The following PABPC1 variants were observed in gnomAD, a reference collection of about 807,000 sequenced individuals.
PABPC1 encodes polyadenylate-binding protein 1.
A neutral mutation model predicts 74.0 loss-of-function variants in PABPC1; 4 were observed. The observed-to-expected ratio is 0.05, with a 90% CI of 0.03 to 0.12. The LOEUF (loss-of-function observed/expected upper bound fraction) is 0.12, where lower values mean the gene tolerates loss of function less well. Ranked by LOEUF, PABPC1 falls within the 10% of genes least tolerant of loss-of-function variation. PABPC1 has a pLI of 1.00. For synonymous variants in PABPC1, 227 were observed against 264.1 expected (o/e 0.86, Z 1.36); for missense variants, 271 against 821.1 (o/e 0.33, Z 8.19).
In PABPC1 at chr8:100,721,225, T is replaced by A. The variant is rs1810818105; in HGVS notation, c.193+166A>T. The stretch of plus-strand genomic sequence containing the variant: ...GCCGGCAGCGCGGGTCCCCGCCGGC[T>A]CGGGAAACGCGGCTCCAGGGACCCC... On this transcript the variant is annotated intron_variant, in intron 1 of 14. Transcript: ENST00000318607. The surrounding 1 kb of genome is among the most constrained non-coding windows in gnomAD (Gnocchi z 7.4). Among the ~76,000 whole-genome samples, 1 of 151,278 alleles carries A rather than the reference T, an allele frequency of 6.6e-6. No individual in the cohort carries two copies. Among genetic ancestry groups the A allele is most frequent in the Non-Finnish European group, 1.5e-5 (1 of 67,656 alleles).
intron 3 of PABPC1, among the ~76,000 whole-genome samples, chr8:100,716,592 ATATG>A (rs1452081759): frequency 2.6e-5 from 4 of 152,240 alleles, no homozygotes; most frequent in Non-Finnish European, 5.9e-5. Flanking sequence ...TCTCCACAAA[ATATG>A]GTTGGTCTTC....
intron 4 of PABPC1, among the ~76,000 whole-genome samples, chr8:100,713,535 G>T (rs1434449657): frequency 2.0e-5 from 3 of 152,064 alleles, no homozygotes; most frequent in African/African-American, 7.2e-5. Context: ...CATTGCCCAG[G>T]CTGAAGTGTA....
At position 100,721,721 on chromosome 8, in the gene PABPC1, A is replaced by C. The variant is rs1810838372; in HGVS notation, c.-138T>G. On this transcript the variant is annotated 5_prime_UTR_variant, in exon 1 of 15. Transcript: ENST00000318607. This position sits in a 1 kb window ranked among gnomAD's most constrained non-coding sequence, Gnocchi z 7.4. ...GAGGGACAAAAATCAACCGGAATTG[A>C]AAACTACTCAACGGCCGCAGAACGG... 1.4e-6 allele frequency: 1 copy of C among 707,432 alleles called. No homozygotes were observed. The highest frequency in any genetic ancestry group is 3.4e-5 in the Admixed American group (1 of 29,044). The allele number at this position is 707,432 out of a possible 1,614,324, so 43.8% of individuals were successfully genotyped here.
intron 13 of PABPC1, among the ~76,000 whole-genome samples, chr8:100,704,688 G>A (rs748893559): frequency 3.9e-5 from 6 of 152,212 alleles, no homozygotes; most frequent in Non-Finnish European, 8.8e-5. Context: ...GAGCTGATGG[G>A]ATTTGAAGCC....
At chr8:100,711,008 C>A (rs1019943858) in intron 7 of PABPC1, among the ~76,000 whole-genome samples, 1 of 147,012 alleles carries the variant, frequency 6.8e-6, no homozygotes. Context: ...AGACAGACAA[C>A]CAGCCAGGCA....
intron 1 of PABPC1, among the ~76,000 whole-genome samples, chr8:100,718,526 C>T (rs970065492): frequency 6.6e-6 from 1 of 152,092 alleles, no homozygotes; most frequent in African/African-American, 2.4e-5. Context: ...TTCCATATTG[C>T]TAATAATTAA....
intron 11 of PABPC1, among the ~76,000 whole-genome samples, chr8:100,706,034 G>A (rs557725845): frequency 4.6e-5 from 7 of 152,194 alleles, no homozygotes; most frequent in African/African-American, 1.7e-4. Flanking sequence ...TTTTAGAGCT[G>A]GGGTTTCACC....
At chr8:100,717,926 A>G in intron 2 of PABPC1, 38 bp from the exon 3 acceptor site, 3 of 1,471,436 alleles carry the variant, frequency 2.0e-6, no homozygotes, top group East Asian at 2.3e-5. Context: ...TTTATTTGCT[A>G]TTGATTTAAC....
At chr8:100,720,908 C>T (rs568964202) in intron 1 of PABPC1, among the ~76,000 whole-genome samples, 4 of 152,326 alleles carry the variant, frequency 2.6e-5, no homozygotes, top group East Asian at 3.9e-4. Flanking sequence ...CAGAAGCAGG[C>T]CTCGGGCCTG....
intron 11 of PABPC1, 71 bp downstream of exon 11, chr8:100,706,580 C>T: frequency 7.2e-7 from 1 of 1,394,374 alleles, no homozygotes; most frequent in South Asian, 1.2e-5. Context: ...AGCCACTGTG[C>T]CCAGCTGTCT....
chr8:100,704,507 A>C, intron 13 of PABPC1, 117 bp from the exon 14 acceptor site: 1 of 873,862 alleles, frequency 1.1e-6, no homozygotes, highest in Non-Finnish European at 1.9e-6. Context: ...ATGAAAGTAT[A>C]AATTGTTACA....
chr8:100,715,509 C>A lies in PABPC1; in HGVS notation c.596G>T (p.Gly199Val). 2 of 1,613,286 alleles carry A rather than the reference C, an allele frequency of 1.2e-6. No individual in the cohort carries two copies. Among genetic ancestry groups the A allele is most frequent in the Non-Finnish European group, 1.7e-6 (2 of 1,179,454 alleles). The change falls in exon 4 of 15, where the codon GGA becomes GTA. Residue 199 changes from glycine to valine, a missense_variant. Gly to Val is a moderately radical substitution (Grantham distance 109). Coordinates refer to ENST00000318607, the MANE Select transcript of PABPC1 (RefSeq NM_002568.4). ...EFTNVYIKNF[G>V]EDMDDERLKD... The stretch of plus-strand genomic sequence containing the variant: ...AAGGCGCTCATCATCCATGTCTTCT[C>A]CAAAATTCTTGATGTAAACATTGGT...
chr8:100,721,878 C>T lies in PABPC1; in HGVS notation c.-295G>A. The T allele has an allele frequency of 3.0e-6, 1 of 330,540 alleles. No individual in the cohort carries two copies. The highest frequency in any genetic ancestry group is 5.5e-6 in the Non-Finnish European group (1 of 182,790). The allele number at this position is 330,540 out of a possible 1,614,324, so 20.5% of individuals were successfully genotyped here. A position where few individuals can be genotyped will look rare whatever the true frequency, so the allele number is the denominator to read the frequency against. On this transcript the variant is annotated 5_prime_UTR_variant, in exon 1 of 15. Coordinates refer to ENST00000318607, the MANE Select transcript of PABPC1 (RefSeq NM_002568.4). The surrounding 1 kb of genome is among the most constrained non-coding windows in gnomAD (Gnocchi z 7.4). The stretch of plus-strand genomic sequence containing the variant: ...GCTGCGGGGCCGCGGGCGGGCGGGT[C>T]GGTCTCGGCTGCTTCACCGGGTTAT...
At chr8:100,720,974 C>G (rs1810808226) in intron 1 of PABPC1, among the ~76,000 whole-genome samples, 1 of 152,172 alleles carries the variant, frequency 6.6e-6, no homozygotes, top group Non-Finnish European at 1.5e-5. Context: ...GCACTTCCTC[C>G]CCAGGCTGGG....
intron 1 of PABPC1, among the ~76,000 whole-genome samples, chr8:100,720,409 G>A (rs1810787337): frequency 6.6e-6 from 1 of 152,134 alleles, no homozygotes; most frequent in African/African-American, 2.4e-5. Context: ...CAGGTATCAT[G>A]GGCCACTTTT....
intron 3 of PABPC1, among the ~76,000 whole-genome samples, chr8:100,717,183 T>A (rs1810693819): frequency 6.6e-6 from 1 of 152,192 alleles, no homozygotes; most frequent in South Asian, 2.1e-4. Context: ...GCTAATTTTG[T>A]ATTTTTAGTA....
At chr8:100,711,825 T>C (rs555429827) in intron 7 of PABPC1, among the ~76,000 whole-genome samples, 2 of 152,236 alleles carry the variant, frequency 1.3e-5, no homozygotes, top group Non-Finnish European at 2.9e-5. Context: ...AGCAAAATTA[T>C]GTATGCACAA....
In PABPC1 at chr8:100,704,308, G is replaced by A; in HGVS notation, c.1901C>T (p.Pro634Leu). 4.3e-6 allele frequency: 7 copies of A among 1,612,760 alleles called. No individual in the cohort carries two copies. The highest frequency in any genetic ancestry group is 5.9e-6 in the Non-Finnish European group (7 of 1,178,796). ...AGGGAAAAGCTCACTTTAAACAGTT[G>A]GAACACCGGTGGCACTGTTAACTGC... ...QKAVNSATGV[P>L]TV The change falls in exon 14 of 15, where the codon CCA becomes CTA. Residue 634 changes from proline to leucine, a missense_variant. Physicochemically the swap from Pro to Leu is moderately conservative, Grantham distance 98. Coordinates refer to ENST00000318607, the MANE Select transcript of PABPC1 (RefSeq NM_002568.4).
At chr8:100,711,767 C>T (rs1290520408) in intron 7 of PABPC1, among the ~76,000 whole-genome samples, 3 of 151,722 alleles carry the variant, frequency 2.0e-5, no homozygotes, top group Non-Finnish European at 4.4e-5. Context: ...AGCGTCATTC[C>T]AGTTCAGTTG....
Sources: gnomAD v4.1 joint callset for allele counts (sites outside exome capture counted in the v4.1 genomes callset) on GRCh38, gnomAD v4.1.1 for gene constraint, Gnocchi (gnomAD v3.1) non-coding constraint, MANE v1.5 for transcripts, NCBI Gene and HGNC (gene_info 2026-07-23, HGNC 2026-07-21) for gene names.